Variants in EVL observed in about 807,000 individuals in gnomAD.
EVL encodes the protein ena/VASP-like protein.
EVL carries 21 observed loss-of-function variants against 59.6 expected under a neutral mutation model. That is an observed-to-expected ratio of 0.35 (90% CI 0.25 to 0.51). The LOEUF (loss-of-function observed/expected upper bound fraction) is 0.51. EVL is among the 20% of genes least tolerant of loss of function. The probability of loss-of-function intolerance (pLI) is 0.97; values close to 1 mark genes in which losing one functional copy is unlikely to be tolerated. For synonymous variants in EVL, 198 were observed against 203.5 expected (o/e 0.97, Z 0.23); for missense variants, 462 against 546.6 (o/e 0.85, Z 1.54).
chr14:100,094,075 G>A (rs1004872331), intron 2 of EVL, among the ~76,000 whole-genome samples: 1 of 152,070 alleles, frequency 6.6e-6, no homozygotes, highest in Non-Finnish European at 1.5e-5. Context: ...ATCCACTGGG[G>A]GTCTTGGAAC....
intron 1 of EVL, among the ~76,000 whole-genome samples, chr14:100,008,387 G>C (rs959845173): frequency 3.3e-5 from 5 of 152,130 alleles, no homozygotes; most frequent in African/African-American, 1.2e-4. Context: ...AAGGTGCTGC[G>C]TTTTTCTGTT....
At chr14:100,136,089 A>G in intron 9 of EVL, 121 bp downstream of exon 9, 1 of 1,130,106 alleles carries the variant, frequency 8.8e-7, no homozygotes, top group East Asian at 2.4e-5. Context: ...GGGCCAGGCC[A>G]CAGGGAAGCC....
At chr14:100,083,389 A>G (rs1287679777) in intron 1 of EVL, among the ~76,000 whole-genome samples, 1 of 151,538 alleles carries the variant, frequency 6.6e-6, no homozygotes, top group Non-Finnish European at 1.5e-5. Context: ...TTTTCTGGAG[A>G]CAGTCTTACA....
At chr14:100,123,424 T>G (rs1394342171) in intron 3 of EVL, 115 bp from the exon 4 acceptor site, 2 of 990,040 alleles carry the variant, frequency 2.0e-6, no homozygotes, top group Non-Finnish European at 3.1e-6. Flanking sequence ...AAAAAGATTC[T>G]TAAGGATGTC....
intron 4 of EVL, among the ~76,000 whole-genome samples, chr14:100,125,376 A>G (rs1888006903): frequency 6.6e-6 from 1 of 152,198 alleles, no homozygotes; most frequent in African/African-American, 2.4e-5. Flanking sequence ...AGAGACTCCA[A>G]GCATCCAAAC....
intron 1 of EVL, among the ~76,000 whole-genome samples, chr14:99,988,298 G>GTC (rs2060852410): frequency 6.6e-6 from 1 of 152,088 alleles, no homozygotes; most frequent in Non-Finnish European, 1.5e-5. Flanking sequence ...ATAAGCACTT[G>GTC]AAAAGGTGCT....
In EVL at chr14:100,078,769, C is replaced by T. The variant is rs1442170303; in HGVS notation, c.12-5918C>T. Among the ~76,000 whole-genome samples the T allele has an allele frequency of 7.9e-5, 12 of 152,236 alleles. 1 individual carries two copies. The East Asian group carries it at 1.5e-3, about 20-fold the overall frequency. On this transcript the variant is annotated intron_variant, in intron 1 of 13. Transcript: ENST00000392920. Reference sequence around the variant, plus strand: ...GGCAGCTCACTCACCCTGGTTTGCCCGGGATTATCCCAGTTTTAGTGCCGA... The same window carrying T: ...GGCAGCTCACTCACCCTGGTTTGCCTGGGATTATCCCAGTTTTAGTGCCGA...
chr14:100,028,043 A>T (rs1287235266), intron 1 of EVL, among the ~76,000 whole-genome samples: 3 of 151,898 alleles, frequency 2.0e-5, no homozygotes, highest in Non-Finnish European at 2.9e-5. Flanking sequence ...TCTCTTCAGT[A>T]TACCAATTTC....
At chr14:100,090,984 T>C (rs1034968768) in intron 2 of EVL, among the ~76,000 whole-genome samples, 1 of 152,098 alleles carries the variant, frequency 6.6e-6, no homozygotes, top group African/African-American at 2.4e-5. Flanking sequence ...CAAACTATTA[T>C]AGTAATATAA....
In EVL at chr14:100,126,774, G is replaced by A. The variant is rs369210011; in HGVS notation, c.487+3G>A. 8.7e-6 allele frequency: 14 copies of A among 1,613,568 alleles called. No individual in the cohort carries two copies. The African/African-American group carries it at 1.2e-4, about 14-fold the overall frequency. On this transcript the variant is annotated splice_donor_region_variant and intron_variant, in intron 5 of 13. Transcript: ENST00000392920. ...AGAAAGAAGAACCTCGGCCACAGGT[G>A]AGAGCCCTCCTCCCCTAGGGCCGAC...
chr14:100,120,915 C>T (rs900312714), intron 3 of EVL, among the ~76,000 whole-genome samples: 5 of 152,038 alleles, frequency 3.3e-5, no homozygotes, highest in East Asian at 1.9e-4. Context: ...GTGGGGCAGC[C>T]GACACAGCAC....
At chr14:100,122,810 G>C (rs1887783173) in intron 3 of EVL, among the ~76,000 whole-genome samples, 1 of 152,232 alleles carries the variant, frequency 6.6e-6, no homozygotes. Flanking sequence ...ACAGGCCCCA[G>C]CTCCAGCCTC....
At chr14:100,063,560 G>A (rs915662361), upstream of EVL, among the ~76,000 whole-genome samples, 3 of 152,196 alleles carry the variant, frequency 2.0e-5, no homozygotes, top group African/African-American at 7.2e-5. Flanking sequence ...AAGAAATAGT[G>A]ACAGAATTAA....
chr14:99,996,475 G>A (rs2060915030), intron 1 of EVL, among the ~76,000 whole-genome samples: 1 of 152,144 alleles, frequency 6.6e-6, no homozygotes, highest in Admixed American at 6.5e-5. Flanking sequence ...GAGTTCAAAA[G>A]TGCAACTTGG....
rs772498316 is a variant in EVL, at chr14:100,109,616, T to G, written c.358+11958T>G. Reference sequence around the variant, plus strand: ...TTGCATCCTTCTCTGCAGACTAAGATGGAGTTCCTGAACCAAGACCGCTTG... The same window carrying G: ...TTGCATCCTTCTCTGCAGACTAAGAGGGAGTTCCTGAACCAAGACCGCTTG... On this transcript the variant is annotated intron_variant, in intron 3 of 13. Coordinates refer to ENST00000392920, the MANE Select transcript of EVL (RefSeq NM_016337.3). This position sits in a 1 kb window ranked among gnomAD's most constrained non-coding sequence, Gnocchi z 4.3. 1 of 512,880 alleles carries G rather than the reference T, an allele frequency of 1.9e-6. No individual in the cohort carries two copies. Among genetic ancestry groups the G allele is most frequent in the Non-Finnish European group, 4.0e-6 (1 of 247,552 alleles). The allele number at this position is 512,880 out of a possible 1,614,324, so 31.8% of individuals were successfully genotyped here. A position where few individuals can be genotyped will look rare whatever the true frequency, so the allele number is the denominator to read the frequency against.
intron 1 of EVL, among the ~76,000 whole-genome samples, chr14:100,027,955 A>G (rs554736588): frequency 1.7e-4 from 26 of 152,178 alleles, no homozygotes; most frequent in Non-Finnish European, 2.1e-4. Context: ...GATTACAGGC[A>G]TGAGCCACCG....
At chr14:99,984,410 A>G (rs940246797) in intron 1 of EVL, among the ~76,000 whole-genome samples, 7 of 152,108 alleles carry the variant, frequency 4.6e-5, no homozygotes, top group Non-Finnish European at 7.4e-5. Flanking sequence ...TGTCTTTCCA[A>G]AATGGAGACC....
At chr14:100,037,569 G>T (rs1041192854) in intron 1 of EVL, among the ~76,000 whole-genome samples, 1 of 152,182 alleles carries the variant, frequency 6.6e-6, no homozygotes, top group African/African-American at 2.4e-5. Context: ...TCCAGGCTTG[G>T]CTGGTGTCCA....
rs541988034 is a variant in EVL, at chr14:100,125,181, C to T, written c.423-1526C>T. Among the ~76,000 whole-genome samples, 462 of 149,650 alleles carry T rather than the reference C, an allele frequency of 3.1e-3. 5 individuals are homozygous for T. Among genetic ancestry groups the T allele is most frequent in the Non-Finnish European group, 5.6e-3 (376 of 67,226 alleles). On this transcript the variant is annotated intron_variant, in intron 4 of 13. Coordinates refer to ENST00000392920, the MANE Select transcript of EVL (RefSeq NM_016337.3). ...CCCAAGGCAGGAATACACACACACA[C>T]ACACACACACACACCTGCCCCAAGA...
Sources: gnomAD v4.1 joint callset for allele counts (sites outside exome capture counted in the v4.1 genomes callset) on GRCh38, gnomAD v4.1.1 for gene constraint, Gnocchi (gnomAD v3.1) non-coding constraint, MANE v1.5 for transcripts, NCBI Gene and HGNC (gene_info 2026-07-23, HGNC 2026-07-21) for gene names.